The following CUEDC1 variants were observed in gnomAD, a reference collection of about 807,000 sequenced individuals.
The protein encoded by CUEDC1 is CUE domain containing 1, also known as CUE domain-containing protein 1.
In CUEDC1, 30 loss-of-function variants were observed where a neutral mutation model predicts 43.7. The ratio of observed to expected loss-of-function variants is 0.69; its 90% CI spans 0.51 to 0.93. The LOEUF is 0.93. Ranked by LOEUF, CUEDC1 falls within the 40% of genes least tolerant of loss-of-function variation. The probability of loss-of-function intolerance (pLI) is 0.00; values close to 1 mark genes in which losing one functional copy is unlikely to be tolerated. For synonymous variants in CUEDC1, 223 were observed against 223.6 expected, an observed-to-expected ratio of 1.00 and a Z score of 0.02; for missense variants, 486 against 549.0, an observed-to-expected ratio of 0.89 and a Z score of 1.15.
chr17:57,871,751 C>G (rs1377307083), intron 5 of CUEDC1, among the ~76,000 whole-genome samples: 1 of 152,162 alleles, frequency 6.6e-6, no homozygotes, highest in Non-Finnish European at 1.5e-5. Context: ...TGGTGAAACC[C>G]CGTCTCTACT....
At chr17:57,935,394 C>CAT (rs2074850730) in intron 1 of CUEDC1, among the ~76,000 whole-genome samples, 1 of 145,944 alleles carries the variant, frequency 6.9e-6, no homozygotes, top group African/African-American at 2.6e-5. Context: ...CACACACACA[C>CAT]ACACACACAC....
At chr17:57,943,717 C>G (rs1405488114) in intron 1 of CUEDC1, among the ~76,000 whole-genome samples, 4 of 152,050 alleles carry the variant, frequency 2.6e-5, no homozygotes. Flanking sequence ...TAAAAATCCA[C>G]CCCAAAAAAA....
chr17:57,904,043 G>A (rs1028315168), intron 1 of CUEDC1, among the ~76,000 whole-genome samples: 2 of 152,098 alleles, frequency 1.3e-5, no homozygotes, highest in African/African-American at 4.8e-5. Flanking sequence ...GCACAAGGCC[G>A]GCCACAGAGG....
chr17:57,936,978 G>A (rs546514580), intron 1 of CUEDC1, among the ~76,000 whole-genome samples: 5 of 151,984 alleles, frequency 3.3e-5, no homozygotes, highest in East Asian at 1.9e-4. Context: ...ACACCACCAC[G>A]TCAAGCTAAT....
At chr17:57,868,768 G>C (rs2073995632) in intron 7 of CUEDC1, among the ~76,000 whole-genome samples, 1 of 152,096 alleles carries the variant, frequency 6.6e-6, no homozygotes, top group Admixed American at 6.5e-5. Context: ...TGTGGAAAGA[G>C]GTCCCCCACC....
intron 1 of CUEDC1, among the ~76,000 whole-genome samples, chr17:57,900,816 G>T (rs1057414576): frequency 6.6e-6 from 1 of 152,198 alleles, no homozygotes; most frequent in African/African-American, 2.4e-5. Context: ...AAAGCTGTTT[G>T]CATCTCTGCC....
At chr17:57,926,084 T>A (rs1198340281) in intron 1 of CUEDC1, among the ~76,000 whole-genome samples, 1 of 152,208 alleles carries the variant, frequency 6.6e-6, no homozygotes, top group Non-Finnish European at 1.5e-5. Flanking sequence ...GAGAACTTCC[T>A]TCTCTGGAAA....
At position 57,869,182 on chromosome 17, in the gene CUEDC1, C is replaced by T; in HGVS notation, c.880G>A (p.Ala294Thr). 6.2e-7 allele frequency: 1 copy of T among 1,613,838 alleles called. No homozygotes were observed. The highest frequency in any genetic ancestry group is 8.5e-7 in the Non-Finnish European group (1 of 1,179,888). The change falls in exon 7 of 11, where the codon GCC becomes ACC. Residue 294 changes from alanine (A) to threonine (T), a missense_variant. By Grantham distance (58) the Ala-to-Thr change is moderately conservative (BLOSUM62 0). Transcript: ENST00000577830. Reference protein sequence around the residue: ...FSSPVPGTGDANPAVSEDALF... With the variant: ...FSSPVPGTGDTNPAVSEDALF... Reference sequence around the variant, plus strand: ...GCATCTTCAGACACAGCGGGGTTGGCGTCGCCAGTTCCTGGAAGGAGACAC... The same window carrying T: ...GCATCTTCAGACACAGCGGGGTTGGTGTCGCCAGTTCCTGGAAGGAGACAC...
intron 1 of CUEDC1, among the ~76,000 whole-genome samples, chr17:57,935,527 C>T (rs1050432482): frequency 6.6e-6 from 1 of 152,084 alleles, no homozygotes; most frequent in African/African-American, 2.4e-5. Flanking sequence ...TGCCTGGGGC[C>T]GGGGTGAAGG....
intron 1 of CUEDC1, among the ~76,000 whole-genome samples, chr17:57,891,569 C>T (rs2074355144): frequency 6.6e-6 from 1 of 152,178 alleles, no homozygotes; most frequent in African/African-American, 2.4e-5. Context: ...CAGAGCTTTA[C>T]CGTGGCCAAC....
At chr17:57,919,525 T>C (rs551010505) in intron 1 of CUEDC1, among the ~76,000 whole-genome samples, 9 of 152,196 alleles carry the variant, frequency 5.9e-5, no homozygotes, top group Middle Eastern at 3.2e-3. Context: ...CAAAATTCTT[T>C]TGAGGTGTAC....
At chr17:57,871,787 G>A (rs577909810) in intron 5 of CUEDC1, among the ~76,000 whole-genome samples, 7 of 152,218 alleles carry the variant, frequency 4.6e-5, no homozygotes, top group Non-Finnish European at 7.3e-5. Context: ...AGCCAGGTGC[G>A]GTGGCGTGCG....
chr17:57,865,434 T>C (rs1814910697), intron 10 of CUEDC1, among the ~76,000 whole-genome samples: 1 of 152,086 alleles, frequency 6.6e-6, no homozygotes, highest in African/African-American at 2.4e-5. Flanking sequence ...GGCAAGTGAG[T>C]ATTTCTCCAT....
intron 2 of CUEDC1, among the ~76,000 whole-genome samples, chr17:57,880,364 T>G (rs2074187248): frequency 6.6e-6 from 1 of 152,244 alleles, no homozygotes; most frequent in African/African-American, 2.4e-5. Context: ...AGGCCGAGGC[T>G]AAGTGACATG....
At position 57,862,920 on chromosome 17, in the gene CUEDC1, AT is replaced by A. The variant is rs1286549056; in HGVS notation, c.*368del. 6.6e-6 allele frequency: 1 copy of A among 152,120 alleles called. No homozygotes were observed. The highest frequency in any genetic ancestry group is 1.5e-5 in the Non-Finnish European group (1 of 68,046). 9.4% of individuals were successfully genotyped at this position (152,120 alleles called of 1,614,324 possible). ...GGCCAAAGAGCCTCTGGTGGGGGTCATCTTGCCCTTTTCCATATTCCAACTT... is the reference window on the plus strand; with the variant it reads ...GGCCAAAGAGCCTCTGGTGGGGGTCACTTGCCCTTTTCCATATTCCAACTT... On this transcript the variant is annotated 3_prime_UTR_variant, in exon 11 of 11. Transcript: ENST00000577830.
At chr17:57,868,337 G>GC (rs916771165) in intron 7 of CUEDC1, 94 bp from the exon 8 acceptor site, 5 of 1,115,676 alleles carry the variant, frequency 4.5e-6, no homozygotes, top group East Asian at 2.4e-5. Context: ...GAGGACCAAG[G>GC]CCCCCCGGAG....
intron 1 of CUEDC1, among the ~76,000 whole-genome samples, chr17:57,887,000 T>G (rs993397582): frequency 2.0e-5 from 3 of 151,924 alleles, no homozygotes; most frequent in Non-Finnish European, 4.4e-5. Context: ...TTTTTGTATT[T>G]TTAGTAGAGA....
At chr17:57,894,540 G>A (rs545947373) in intron 1 of CUEDC1, among the ~76,000 whole-genome samples, 4 of 151,930 alleles carry the variant, frequency 2.6e-5, no homozygotes, top group Admixed American at 1.3e-4. Flanking sequence ...GTGTGGTGGC[G>A]CATGCCTGTA....
intron 2 of CUEDC1, among the ~76,000 whole-genome samples, chr17:57,884,637 T>C (rs2074262725): frequency 6.6e-6 from 1 of 152,206 alleles, no homozygotes; most frequent in African/African-American, 2.4e-5. Flanking sequence ...GCACAAGCTG[T>C]TCCCTTTGCC....
Sources: allele counts gnomAD v4.1 joint callset (sites outside exome capture counted in the v4.1 genomes callset), GRCh38; gene constraint gnomAD v4.1.1; transcripts MANE v1.5; gene names NCBI Gene and HGNC (gene_info 2026-07-23, HGNC 2026-07-21).